PITPNB: variants seen among roughly 807,000 people sequenced by gnomAD.
PITPNB encodes phosphatidylinositol transfer protein beta, also known as phosphatidylinositol transfer protein beta isoform.
In PITPNB, 16 loss-of-function variants were observed where a neutral mutation model predicts 45.9. That is an observed-to-expected ratio of 0.35 (90% CI 0.24 to 0.53). PITPNB has a LOEUF of 0.53. PITPNB is among the 20% of genes least tolerant of loss of function. PITPNB has a pLI of 0.93. For synonymous variants in PITPNB, 112 were observed against 108.9 expected (o/e 1.03, Z -0.18); for missense variants, 188 against 330.5 (o/e 0.57, Z 3.34).
intron 8 of PITPNB, among the ~76,000 whole-genome samples, chr22:27,865,197 T>G (rs759137132): frequency 3.3e-5 from 5 of 152,196 alleles, no homozygotes; most frequent in African/African-American, 9.6e-5. Flanking sequence ...AAAAACAAAT[T>G]GACTCTAAAG....
chr22:27,893,584 T>TC, intron 7 of PITPNB, among the ~76,000 whole-genome samples: 1 of 112,036 alleles, frequency 8.9e-6, no homozygotes, highest in South Asian at 3.5e-4. Context: ...TGTCTAGCCT[T>TC]TTTTTTTTTT....
chr22:27,881,483 C>A (rs1391839134), intron 7 of PITPNB, among the ~76,000 whole-genome samples: 2 of 152,098 alleles, frequency 1.3e-5, no homozygotes, highest in African/African-American at 2.4e-5. Flanking sequence ...ATTTTAACAG[C>A]AAAAAGACAT....
chr22:27,879,837 T>C (rs958938573), intron 7 of PITPNB, among the ~76,000 whole-genome samples: 1 of 152,132 alleles, frequency 6.6e-6, no homozygotes, highest in Non-Finnish European at 1.5e-5. Flanking sequence ...TAGTAAAAAT[T>C]CAGAGTGAGC....
intron 4 of PITPNB, 95 bp from the exon 5 acceptor site, chr22:27,897,232 A>G (rs1935461399): frequency 2.4e-6 from 2 of 830,910 alleles, no homozygotes; most frequent in Non-Finnish European, 4.2e-6. Flanking sequence ...AATGTCACAA[A>G]GACTAAACTA....
At chr22:27,874,029 T>C (rs1462618975) in intron 7 of PITPNB, among the ~76,000 whole-genome samples, 2 of 152,210 alleles carry the variant, frequency 1.3e-5, no homozygotes, top group Non-Finnish European at 2.9e-5. Flanking sequence ...AATAACTACA[T>C]AATAAGAAAT....
chr22:27,914,216 A>C (rs1164421192), intron 2 of PITPNB, 101 bp downstream of exon 2: 6 of 742,648 alleles, frequency 8.1e-6, no homozygotes, highest in Non-Finnish European at 1.5e-5. Flanking sequence ...ATAAGGTGGA[A>C]TGAAAAGGTA....
At chr22:27,903,698 C>T (rs1450731294) in intron 3 of PITPNB, among the ~76,000 whole-genome samples, 2 of 149,684 alleles carry the variant, frequency 1.3e-5, no homozygotes, top group East Asian at 3.9e-4. Flanking sequence ...ATTGCTTGAG[C>T]CCAGGAGTTC....
chr22:27,879,783 CATATT>C (rs1360675485), intron 7 of PITPNB, among the ~76,000 whole-genome samples: 8 of 151,994 alleles, frequency 5.3e-5, no homozygotes, highest in African/African-American at 1.9e-4. Flanking sequence ...AATCACTGAA[CATATT>C]ATATCAATTT....
chr22:27,858,202 A>G (rs1175692439), intron 10 of PITPNB, among the ~76,000 whole-genome samples, 185 bp downstream of exon 10: 1 of 152,252 alleles, frequency 6.6e-6, no homozygotes, highest in Non-Finnish European at 1.5e-5. Flanking sequence ...GATGCTCAAC[A>G]AAAGAGAGAT....
At chr22:27,897,213 C>T in intron 4 of PITPNB, 76 bp from the exon 5 acceptor site, 3 of 937,974 alleles carry the variant, frequency 3.2e-6, no homozygotes, top group Non-Finnish European at 1.8e-6. Flanking sequence ...ACAATCTGTC[C>T]CAATACTTAA....
intron 3 of PITPNB, among the ~76,000 whole-genome samples, chr22:27,900,255 A>G (rs1205320471): frequency 1.3e-5 from 2 of 152,000 alleles, no homozygotes; most frequent in African/African-American, 4.8e-5. Context: ...CAGGAGAAAC[A>G]ATTCTGTATT....
intron 11 of PITPNB, among the ~76,000 whole-genome samples, chr22:27,854,262 A>G (rs1934110241): frequency 6.6e-6 from 1 of 150,832 alleles, no homozygotes; most frequent in Non-Finnish European, 1.5e-5. Flanking sequence ...CATCTCTGGG[A>G]AAATTTGTTA....
intron 1 of PITPNB, 190 bp downstream of exon 1, chr22:27,918,982 G>A (rs1002302311): frequency 8.7e-6 from 7 of 808,500 alleles, no homozygotes; most frequent in South Asian, 1.4e-5. Context: ...TGTTACCACG[G>A]CAATGCCTGG....
At chr22:27,861,224 T>C (rs1934322415) in intron 8 of PITPNB, among the ~76,000 whole-genome samples, 3 of 151,612 alleles carry the variant, frequency 2.0e-5, no homozygotes, top group Admixed American at 6.6e-5. Flanking sequence ...TCCCAGCTAC[T>C]AGGGAGGCAG....
intron 10 of PITPNB, among the ~76,000 whole-genome samples, chr22:27,857,401 T>C (rs1345332356): frequency 6.6e-6 from 1 of 152,230 alleles, no homozygotes; most frequent in Non-Finnish European, 1.5e-5. Context: ...GCAGATCTGC[T>C]GTAATCACCA....
In PITPNB at chr22:27,914,302, G is replaced by A; in HGVS notation, c.51+15C>T. ...CATATACCAATAAAATGATGCAGAA[G>A]CAAGAAAAACTCACCTCCTGAACAG... On this transcript the variant is annotated intron_variant, in intron 2 of 11. Transcript: ENST00000335272. The A allele has an allele frequency of 6.4e-7, 1 of 1,564,266 alleles. No homozygotes were observed. The highest frequency in any genetic ancestry group is 8.8e-7 in the Non-Finnish European group (1 of 1,135,732).
At chr22:27,878,645 A>C (rs1054547086) in intron 7 of PITPNB, among the ~76,000 whole-genome samples, 1 of 152,232 alleles carries the variant, frequency 6.6e-6, no homozygotes, top group Non-Finnish European at 1.5e-5. Context: ...GCTGAAGTTT[A>C]TCTTTGCATG....
At chr22:27,919,019 G>A (rs1936187486) in intron 1 of PITPNB, 153 bp downstream of exon 1, 3 of 1,094,904 alleles carry the variant, frequency 2.7e-6, no homozygotes, top group African/African-American at 1.5e-5. Flanking sequence ...CTCGCTGAGG[G>A]GCTTCGAAGG....
At chr22:27,865,743 T>C (rs907707631) in intron 8 of PITPNB, among the ~76,000 whole-genome samples, 2 of 152,006 alleles carry the variant, frequency 1.3e-5, no homozygotes, top group Non-Finnish European at 2.9e-5. Context: ...AAGATAACTA[T>C]TGGGTATGGG....
Sources: gnomAD v4.1 joint callset for allele counts (sites outside exome capture counted in the v4.1 genomes callset) on GRCh38, gnomAD v4.1.1 for gene constraint, MANE v1.5 for transcripts, NCBI Gene and HGNC (gene_info 2026-07-23, HGNC 2026-07-21) for gene names.